PAIP1: variants seen among roughly 807,000 people sequenced by gnomAD.
PAIP1 encodes polyadenylate-binding protein-interacting protein 1.
PAIP1 carries 16 observed loss-of-function variants against 61.3 expected under a neutral mutation model. That is an observed-to-expected ratio of 0.26 (90% CI 0.18 to 0.40). The LOEUF is 0.40. PAIP1 is among the 10% of genes least tolerant of loss of function. The pLI is 1.00. For synonymous variants in PAIP1, 187 were observed against 226.2 expected (o/e 0.83, Z 1.56); for missense variants, 416 against 600.9 (o/e 0.69, Z 3.22).
chr5:43,529,888 C>A lies in PAIP1; in HGVS notation c.1253-9G>T. On this transcript the variant is annotated splice_polypyrimidine_tract_variant and intron_variant, in intron 9 of 10. Transcript: ENST00000306846. ...GTATTTCTCTTGGTAATCTGTAAGA[C>A]AACATAGGAGAAAAACTAAATACTG... 8.2e-7 allele frequency: 1 copy of A among 1,225,650 alleles called. No homozygotes were observed. Among genetic ancestry groups the A allele is most frequent in the Non-Finnish European group, 1.2e-6 (1 of 825,874 alleles). The allele number at this position is 1,225,650 out of a possible 1,614,324, so 75.9% of individuals were successfully genotyped here.
intron 10 of PAIP1, among the ~76,000 whole-genome samples, chr5:43,527,819 AT>A (rs1746764935): frequency 6.6e-6 from 1 of 152,190 alleles, no homozygotes. Flanking sequence ...AACAATTAGA[AT>A]ATAACTATTA....
intron 1 of PAIP1, 85 bp downstream of exon 1, chr5:43,556,497 A>G: frequency 1.7e-6 from 2 of 1,211,530 alleles, no homozygotes; most frequent in Non-Finnish European, 2.1e-6. Context: ...GGGACCGCAG[A>G]CAGCGCGTCG....
At chr5:43,533,699 A>AT (rs1747034186) in intron 9 of PAIP1, 39 bp downstream of exon 9, 4 of 1,352,250 alleles carry the variant, frequency 3.0e-6, no homozygotes, top group Non-Finnish European at 2.1e-6. Context: ...CTACTTTACC[A>AT]AACAACTGGG....
At chr5:43,529,638 C>G (rs1396440782) in intron 10 of PAIP1, 148 bp downstream of exon 10, 1 of 631,748 alleles carries the variant, frequency 1.6e-6, no homozygotes, top group African/African-American at 1.8e-5. Context: ...GTGATCTGCC[C>G]TCCTCAGCCT....
chr5:43,534,064 T>A (rs1389118394), intron 8 of PAIP1, among the ~76,000 whole-genome samples: 1 of 152,218 alleles, frequency 6.6e-6, no homozygotes. Flanking sequence ...TTAGTGTCAG[T>A]GCATTTTTAG....
chr5:43,546,214 C>G (rs1400416728), intron 3 of PAIP1, among the ~76,000 whole-genome samples: 1 of 152,196 alleles, frequency 6.6e-6, no homozygotes, highest in Non-Finnish European at 1.5e-5. Context: ...AACATACTGA[C>G]TACATATTTG....
chr5:43,555,346 A>G (rs1748018261), intron 2 of PAIP1, among the ~76,000 whole-genome samples: 2 of 152,216 alleles, frequency 1.3e-5, no homozygotes, highest in Admixed American at 6.5e-5. Flanking sequence ...ATTAATCCCT[A>G]TGCATTTACT....
intron 1 of PAIP1, 27 bp from the exon 2 acceptor site, chr5:43,556,026 C>G (rs1263942994): frequency 6.2e-7 from 1 of 1,602,768 alleles, no homozygotes; most frequent in Non-Finnish European, 8.5e-7. Flanking sequence ...AACGGGGCGT[C>G]AGATGCATTC....
Position 43,550,046 on chromosome 5 carries a change from T to C in PAIP1, c.436-2133A>G, listed in dbSNP as rs567610554. Among the ~76,000 whole-genome samples the C allele has an allele frequency of 2.0e-5, 3 of 151,170 alleles. No individual in the cohort carries two copies. The South Asian group carries it at 6.3e-4, about 32-fold the overall frequency. On this transcript the variant is annotated intron_variant, in intron 2 of 10. Transcript: ENST00000306846. The stretch of plus-strand genomic sequence containing the variant: ...GCCTATGTATCTTCAGAGACTGAAG[T>C]GATACTTAGCAAAAGTTGCATGTAC...
chr5:43,557,184 T>G, upstream of PAIP1: 1 of 217,058 alleles, frequency 4.6e-6, no homozygotes, highest in Middle Eastern at 1.6e-3. Context: ...GCGAGGATCC[T>G]CCAGTTCGCG....
Position 43,553,871 on chromosome 5 carries a change from T to C in PAIP1, c.435+1959A>G, listed in dbSNP as rs80153248. Among the ~76,000 whole-genome samples, 336 of 152,298 alleles carry C rather than the reference T, an allele frequency of 2.2e-3. 2 individuals are homozygous for C. Among genetic ancestry groups the C allele is most frequent in the African/African-American group, 7.7e-3 (318 of 41,564 alleles). On this transcript the variant is annotated intron_variant, in intron 2 of 10. Transcript: ENST00000306846. The stretch of plus-strand genomic sequence containing the variant: ...CCAACCAATTTTTGCTGTATCAAAA[T>C]GCCAGTCCACTAAGGCCAGATTTTA...
Position 43,534,897 on chromosome 5 carries a change from T to A in PAIP1, c.1153A>T (p.Thr385Ser), listed in dbSNP as rs763161379. ...SNWGRVHATS[T>S]YREATPENDP... ...TTTTCTGGTGTTGCTTCTCTATATG[T>A]TGAAGTTGCATGGACTCTGCCCCAG... The change falls in exon 8 of 11, where the codon ACA becomes TCA. Residue 385 changes from threonine to serine, a missense_variant. Transcript: ENST00000306846. The A allele has an allele frequency of 6.2e-7, 1 of 1,605,406 alleles. No individual in the cohort carries two copies. Among genetic ancestry groups the A allele is most frequent in the South Asian group, 1.1e-5 (1 of 90,888 alleles).
At chr5:43,542,947 G>A in intron 4 of PAIP1, 57 bp downstream of exon 4, 1 of 902,886 alleles carries the variant, frequency 1.1e-6, no homozygotes, top group South Asian at 1.4e-5. Context: ...TCTGAGGAAT[G>A]GTCAAATTCT....
intron 9 of PAIP1, among the ~76,000 whole-genome samples, chr5:43,531,317 A>AC (rs1746920390): frequency 4.8e-3 from 1 of 210 alleles, no homozygotes; most frequent in Non-Finnish European, 0.071. Context: ...GTTTTTCATT[A>AC]AAAAAAAAAT....
chr5:43,542,967 A>G (rs1160418679), intron 4 of PAIP1, 37 bp downstream of exon 4: 1 of 1,041,980 alleles, frequency 9.6e-7, no homozygotes, highest in Non-Finnish European at 1.5e-6. Flanking sequence ...TAGTATATTT[A>G]GAAGTAGTTT....
chr5:43,551,490 CAGTT>C (rs749983982), intron 2 of PAIP1, among the ~76,000 whole-genome samples: 195 of 152,264 alleles, frequency 1.3e-3, no homozygotes, highest in Middle Eastern at 3.4e-3. Context: ...GTTGTGAAAG[CAGTT>C]AGGCATAATT....
At chr5:43,556,276 T>C (rs1748068473) in intron 1 of PAIP1, 1 of 1,271,526 alleles carries the variant, frequency 7.9e-7, no homozygotes, top group East Asian at 3.1e-5. Flanking sequence ...AAAGAGGTGG[T>C]TACTCGCTAG....
chr5:43,555,763 TAAC>T (rs1296717342), intron 2 of PAIP1, 64 bp downstream of exon 2: 11 of 1,367,568 alleles, frequency 8.0e-6, no homozygotes, highest in Admixed American at 2.2e-5. Context: ...ATACTCTGAT[TAAC>T]AAAGTAACAA....
chr5:43,551,306 CAA>C (rs1352713387), intron 2 of PAIP1, among the ~76,000 whole-genome samples: 1 of 152,072 alleles, frequency 6.6e-6, no homozygotes, highest in Non-Finnish European at 1.5e-5. Context: ...ATTTTATGTA[CAA>C]AGATGTTCAT....
Sources: allele counts gnomAD v4.1 joint callset (sites outside exome capture counted in the v4.1 genomes callset), GRCh38; gene constraint gnomAD v4.1.1; transcripts MANE v1.5; gene names NCBI Gene and HGNC (gene_info 2026-07-23, HGNC 2026-07-21).